Variants in TRPM5 observed in about 807,000 individuals in gnomAD.
The protein encoded by TRPM5 is transient receptor potential cation channel subfamily M member 5.
TRPM5 carries 121 observed loss-of-function variants against 124.9 expected under a neutral mutation model. That is an observed-to-expected ratio of 0.97 (90% CI 0.84 to 1.13). The LOEUF (loss-of-function observed/expected upper bound fraction) is 1.13. Among genes scored for constraint, TRPM5 ranks in the 50% most tolerant of loss-of-function variants. TRPM5 has a pLI of 0.00. For missense variants in TRPM5, 1,643 were observed against 1,589.1 expected, an observed-to-expected ratio of 1.03 and a Z score of -0.58; for synonymous variants, 781 against 700.5, an observed-to-expected ratio of 1.11 and a Z score of -1.81.
chr11:2,405,874 G>T (rs1009273340), intron 22 of TRPM5, 145 bp downstream of exon 27: 3 of 769,714 alleles, frequency 3.9e-6, no homozygotes, highest in Non-Finnish European at 6.4e-6. Context: ...TCCCCAGAAC[G>T]CTCCTCTGCC....
In TRPM5 at chr11:2,405,059, G is replaced by C. The variant is rs771881063; in HGVS notation, c.3392-16C>G. 9.3e-6 allele frequency: 15 copies of C among 1,606,064 alleles called. No individual in the cohort carries two copies. Among genetic ancestry groups the C allele is most frequent in the Admixed American group, 3.3e-5 (2 of 59,794 alleles). ...TGCTGAGAGCCTGCTGGGAAGGAAG[G>C]CCCCCCTGAGCGGTGGGAACCAGCA... On this transcript the variant is annotated splice_polypyrimidine_tract_variant and intron_variant, in intron 23 of 23. Coordinates refer to ENST00000155858, the Ensembl canonical transcript of TRPM5.
intron 2 of TRPM5, among the ~76,000 whole-genome samples, 195 bp from the exon 8 acceptor site, chr11:2,421,393 G>C (rs1166407070): frequency 6.6e-6 from 1 of 152,218 alleles, no homozygotes; most frequent in South Asian, 2.1e-4. Context: ...CTGCTCAGCA[G>C]CAGAACTGGC....
At chr11:2,420,272 A>G (rs771145298) in exon 4 of TRPM5, 10 of 1,611,726 alleles carry the variant, frequency 6.2e-6, no homozygotes, top group Non-Finnish European at 8.5e-6. Flanking sequence ...CCTCAGCCGC[A>G]GCTCCGTCAG....
chr11:2,407,057 C>G, intron 20 of TRPM5, 62 bp downstream of exon 25: 1 of 1,468,572 alleles, frequency 6.8e-7, no homozygotes. Context: ...CAGCGCACAG[C>G]CCCGCCCTGG....
chr11:2,421,660 A>G (rs1046707844), intron 2 of TRPM5, among the ~76,000 whole-genome samples: 1 of 152,240 alleles, frequency 6.6e-6, no homozygotes, highest in Non-Finnish European at 1.5e-5. Context: ...TGGGTGTTGT[A>G]TAGGCCAAGC....
At chr11:2,428,746 G>A in the TRPM5 span, among the ~76,000 whole-genome samples, 2 of 151,658 alleles carry the variant, frequency 1.3e-5, no homozygotes, top group African/African-American at 4.8e-5. The surrounding 1 kb of genome is among the most constrained non-coding windows in gnomAD (Gnocchi z 4.0). Flanking sequence ...GATGGTATTA[G>A]TGCTGATAAA....
At chr11:2,432,488 T>C in the TRPM5 span, among the ~76,000 whole-genome samples, 2 of 152,310 alleles carry the variant, frequency 1.3e-5, no homozygotes, top group Admixed American at 6.5e-5. Flanking sequence ...AGCCCTGCCA[T>C]GCGAGGCTGG....
At chr11:2,442,376 TACACACACACACAC>T in the TRPM5 span, among the ~76,000 whole-genome samples, 369 of 141,248 alleles carry the variant, frequency 2.6e-3, 4 homozygotes, top group African/African-American at 8.1e-3. The surrounding 1 kb of genome is among the most constrained non-coding windows in gnomAD (Gnocchi z 5.9). Context: ...CATTCTTTGA[TACACACACACACAC>T]ACACACACAC....
chr11:2,429,795 G>T, the TRPM5 span, among the ~76,000 whole-genome samples: 2 of 152,044 alleles, frequency 1.3e-5, no homozygotes, highest in Non-Finnish European at 2.9e-5. The surrounding 1 kb of genome is among the most constrained non-coding windows in gnomAD (Gnocchi z 8.4). Context: ...TCCCTTCCAA[G>T]TTGTAATCAC....
rs371030909 is a variant in TRPM5, at chr11:2,413,211, C to T, written c.2019G>A (p.Leu673=). The T allele has an allele frequency of 7.1e-6, 11 of 1,549,056 alleles. No homozygotes were observed. The African/African-American group carries it at 1.5e-4, about 21-fold the overall frequency. Residue 673 remains leucine (L), a synonymous_variant, in exon 14 of 24, where the codon CTG becomes CTA. Coordinates refer to ENST00000155858, the Ensembl canonical transcript of TRPM5. ...CCTGCAGGTCCTCCAGGCCTGTCCT[C>T]AGGGGAGCTTCCTCACTGCGAGCAC... is the stretch of plus-strand genomic sequence containing the variant.
chr11:2,428,501 T>A, the TRPM5 span, among the ~76,000 whole-genome samples: 357 of 151,344 alleles, frequency 2.4e-3, 6 homozygotes, highest in African/African-American at 8.3e-3. This position sits in a 1 kb window ranked among gnomAD's most constrained non-coding sequence, Gnocchi z 4.0. Flanking sequence ...ATGATATTGA[T>A]GGTCATGATG....
At chr11:2,413,927 C>T in intron 12 of TRPM5, 134 bp downstream of exon 17, 2 of 1,280,260 alleles carry the variant, frequency 1.6e-6, no homozygotes, top group South Asian at 2.8e-5. Context: ...GAACAGAAGC[C>T]CCACCCCGCC....
At chr11:2,404,989 C>A in exon 24 of TRPM5, 17 of 1,612,824 alleles carry the variant, frequency 1.1e-5, no homozygotes, top group Non-Finnish European at 1.4e-5. Context: ...GCCATCTAAA[C>A]CACCTCTGTG....
At chr11:2,422,382 TTGGGGGGGGCTGGACACAAGGGGGCAC>T (rs1422672029) in intron 1 of TRPM5, 61 bp from the exon 7 acceptor site, 3 of 1,126,442 alleles carry the variant, frequency 2.7e-6, no homozygotes, top group Non-Finnish European at 3.4e-6. Flanking sequence ...CTGCTGGGCA[TTGGGGGGGGCTGGACACAAGGGGGCAC>T]TGGGGAGGTG....
Position 2,405,510 on chromosome 11 carries a change from T to C in TRPM5, c.3391+17A>G, listed in dbSNP as rs765586501. 1.5e-5 allele frequency: 24 copies of C among 1,552,990 alleles called. No individual in the cohort carries two copies. In the South Asian group the frequency reaches 2.6e-4, roughly 17 times the overall value. Reference sequence around the variant, plus strand: ...GCCCATGCCCACCCTCATCCCACGCTCCCCAAACAGGCTTACTCCGGGGGC... The same window carrying C: ...GCCCATGCCCACCCTCATCCCACGCCCCCCAAACAGGCTTACTCCGGGGGC... On this transcript the variant is annotated intron_variant, in intron 23 of 23. Transcript: ENST00000155858.
chr11:2,415,357 G>A (rs755711181), exon 9 of TRPM5: 1 of 1,586,640 alleles, frequency 6.3e-7, no homozygotes, highest in Admixed American at 1.7e-5. Context: ...AGCTCCTGCA[G>A]CCGCCCATAC....
the TRPM5 span, among the ~76,000 whole-genome samples, chr11:2,430,866 TTGGTGGTGGTGGTTTTGG>T: frequency 3.9e-5 from 4 of 101,404 alleles, no homozygotes; most frequent in Admixed American, 3.1e-4. Context: ...GGAGGTGGTG[TTGGTGGTGGTGGTTTTGG>T]TGATGGTGAC....
the TRPM5 span, among the ~76,000 whole-genome samples, chr11:2,444,102 C>A: frequency 1.3e-5 from 2 of 152,196 alleles, no homozygotes; most frequent in Admixed American, 1.3e-4. Context: ...GTGCCGCCCC[C>A]ACCCCCCAGC....
intron 12 of TRPM5, 48 bp downstream of exon 17, chr11:2,414,013 G>T: frequency 1.9e-5 from 12 of 625,654 alleles, no homozygotes; most frequent in South Asian, 7.5e-5. Flanking sequence ...CAGCTCGCCC[G>T]CCCACCCCAC....
Sources: gnomAD v4.1 joint callset for allele counts (sites outside exome capture counted in the v4.1 genomes callset) on GRCh38, gnomAD v4.1.1 for gene constraint, Gnocchi (gnomAD v3.1) non-coding constraint, MANE v1.5 for transcripts, NCBI Gene and HGNC (gene_info 2026-07-23, HGNC 2026-07-21) for gene names.